PIEZO2: variants seen among roughly 807,000 people sequenced by gnomAD.
PIEZO2 encodes the protein piezo-type mechanosensitive ion channel component 2.
PIEZO2 carries 172 observed loss-of-function variants against 337.3 expected under a neutral mutation model. The ratio of observed to expected loss-of-function variants is 0.51; its 90% CI spans 0.45 to 0.58. The LOEUF (loss-of-function observed/expected upper bound fraction) is 0.58. PIEZO2 is among the 20% of genes least tolerant of loss of function. The pLI is 0.00. For missense variants in PIEZO2, 3,028 were observed against 3,391.3 expected (o/e 0.89, Z 2.66); for synonymous variants, 1,251 against 1,228.5 (o/e 1.02, Z -0.38).
chr18:10,858,701 G>A (rs1410262516), intron 5 of PIEZO2, among the ~76,000 whole-genome samples: 3 of 152,254 alleles, frequency 2.0e-5, no homozygotes, highest in African/African-American at 4.8e-5. Flanking sequence ...AGCGTAAAGC[G>A]GCCTTCAGGA....
intron 4 of PIEZO2, among the ~76,000 whole-genome samples, chr18:10,910,386 C>A (rs1479351290): frequency 6.6e-6 from 1 of 152,164 alleles, no homozygotes; most frequent in East Asian, 1.9e-4. Flanking sequence ...AGTACAAGAC[C>A]AGTCTGGCCA....
chr18:10,736,807 A>G (rs953578239), intron 33 of PIEZO2, 97 bp from the exon 34 acceptor site: 6 of 1,324,912 alleles, frequency 4.5e-6, no homozygotes, highest in Non-Finnish European at 6.1e-6. Flanking sequence ...CAAATTGTCC[A>G]TAAGAGAACC....
intron 18 of PIEZO2, among the ~76,000 whole-genome samples, chr18:10,774,249 G>A (rs775091950): frequency 4.6e-5 from 7 of 152,208 alleles, no homozygotes; most frequent in Admixed American, 6.5e-5. Flanking sequence ...TGATCTGAGA[G>A]TGGACAGGAT....
chr18:10,728,954 CA>C (rs143511795), intron 36 of PIEZO2, among the ~76,000 whole-genome samples: 27,444 of 75,762 alleles, frequency 0.36, 1,844 homozygotes, highest in East Asian at 0.53. Flanking sequence ...GACTCTGTCT[CA>C]AAAAAAAAAA....
chr18:11,143,280 G>T lies in PIEZO2; in HGVS notation c.64+5245C>A, dbSNP rs2040708744. ...GTTCTTCAATATCCAGATGGCTTAT[G>T]CTATTCTAAGTTCTCCTGAATATTT... On this transcript the variant is annotated intron_variant, in intron 1 of 55. Transcript: ENST00000674853. The surrounding 1 kb of genome is among the most constrained non-coding windows in gnomAD (Gnocchi z 4.9). 6.6e-6 allele frequency among the ~76,000 whole-genome samples: 1 copy of T among 152,038 alleles called. No homozygotes were observed. The highest frequency in any genetic ancestry group is 1.5e-5 in the Non-Finnish European group (1 of 68,010).
chr18:10,882,795 G>A (rs963061946), intron 4 of PIEZO2, among the ~76,000 whole-genome samples: 3 of 150,474 alleles, frequency 2.0e-5, no homozygotes, highest in Non-Finnish European at 4.4e-5. Context: ...ATTTTTTCAT[G>A]GCTAAATAAC....
chr18:10,875,732 A>G (rs545387196), intron 4 of PIEZO2, among the ~76,000 whole-genome samples: 6 of 152,228 alleles, frequency 3.9e-5, no homozygotes, highest in Non-Finnish European at 5.9e-5. Flanking sequence ...AGAGCCTTAT[A>G]TCTTTCCCAC....
chr18:10,729,584 A>AGCCTGTGTGACACACAGG (rs2036680857), intron 36 of PIEZO2, among the ~76,000 whole-genome samples: 4 of 146,148 alleles, frequency 2.7e-5, no homozygotes, highest in Non-Finnish European at 5.9e-5. Context: ...AGATCACCCC[A>AGCCTGTGTGACACACAGG]CTGCACTCCA....
At chr18:10,818,796 G>A (rs1445590816) in intron 7 of PIEZO2, among the ~76,000 whole-genome samples, 1 of 152,072 alleles carries the variant, frequency 6.6e-6, no homozygotes, top group Non-Finnish European at 1.5e-5. Flanking sequence ...TTCGCTTCAC[G>A]TCAATGCATC....
At chr18:10,705,301 G>C (rs2143781801) in intron 41 of PIEZO2, 35 bp downstream of exon 41, 1 of 1,478,042 alleles carries the variant, frequency 6.8e-7, no homozygotes, top group Non-Finnish European at 9.0e-7. Context: ...TGGTGATTTG[G>C]GGATATGTGT....
Position 10,895,675 on chromosome 18 carries a change from G to T in PIEZO2, c.329+15511C>A, listed in dbSNP as rs535557018. On this transcript the variant is annotated intron_variant, in intron 4 of 55. Coordinates refer to ENST00000674853, the MANE Select transcript of PIEZO2 (RefSeq NM_001378183.1). This position sits in a 1 kb window ranked among gnomAD's most constrained non-coding sequence, Gnocchi z 4.8. ...CAGTTTAACACCTGGGAAATGGGGCGCTCCCTCTGACCTGCACATTTCATC... is the reference window on the plus strand; with the variant it reads ...CAGTTTAACACCTGGGAAATGGGGCTCTCCCTCTGACCTGCACATTTCATC... 6.6e-6 allele frequency among the ~76,000 whole-genome samples: 1 copy of T among 152,056 alleles called. No individual in the cohort carries two copies. The highest frequency in any genetic ancestry group is 1.5e-5 in the Non-Finnish European group (1 of 67,994).
At chr18:11,011,460 T>C (rs1322286541) in intron 2 of PIEZO2, among the ~76,000 whole-genome samples, 1 of 152,194 alleles carries the variant, frequency 6.6e-6, no homozygotes, top group Non-Finnish European at 1.5e-5. Context: ...TATTTATGCT[T>C]AAAAATATTT....
chr18:10,944,179 C>T (rs1189339554), intron 3 of PIEZO2, among the ~76,000 whole-genome samples: 1 of 151,854 alleles, frequency 6.6e-6, no homozygotes, highest in Non-Finnish European at 1.5e-5. Context: ...AAAACAAATA[C>T]TCGGTGGATG....
In PIEZO2 at chr18:10,759,573, C is replaced by A. The variant is rs2038032992; in HGVS notation, c.3666G>T (p.Trp1222Cys). The A allele has an allele frequency of 6.5e-7, 1 of 1,537,114 alleles. No homozygotes were observed. Among genetic ancestry groups the A allele is most frequent in the Non-Finnish European group, 8.7e-7 (1 of 1,146,844 alleles). ...IPPAPCRDYP[W>C]RFKGASFNDN... Reference sequence around the variant, plus strand: ...CATTGAAGCTGGCACCCTTGAATCTCCACGGGTAATCTGCAGGGAGGGAAG... The same window carrying A: ...CATTGAAGCTGGCACCCTTGAATCTACACGGGTAATCTGCAGGGAGGGAAG... The change falls in exon 26 of 56, where the codon TGG (tryptophan) becomes TGT (cysteine). Residue 1222 changes from tryptophan to cysteine, a missense_variant. By Grantham distance (215) the Trp-to-Cys change is radical. Transcript: ENST00000674853. This position sits in a 1 kb window ranked among gnomAD's most constrained non-coding sequence, Gnocchi z 5.5.
chr18:10,779,876 A>G (rs1464587679), intron 18 of PIEZO2, among the ~76,000 whole-genome samples: 1 of 152,194 alleles, frequency 6.6e-6, no homozygotes, highest in Non-Finnish European at 1.5e-5. Flanking sequence ...CCGGAAGGCA[A>G]GTGTCGGGAC....
At chr18:10,704,095 A>G (rs2035459784) in intron 42 of PIEZO2, among the ~76,000 whole-genome samples, 1 of 152,100 alleles carries the variant, frequency 6.6e-6, no homozygotes, top group Admixed American at 6.5e-5. Flanking sequence ...CAGTTGGGCA[A>G]CTCTGGCCAT....
chr18:11,100,691 G>A (rs897813356), intron 1 of PIEZO2, among the ~76,000 whole-genome samples: 1 of 152,080 alleles, frequency 6.6e-6, no homozygotes, highest in Non-Finnish European at 1.5e-5. Context: ...CGCCTCCCGG[G>A]TTCACGCCAT....
intron 7 of PIEZO2, among the ~76,000 whole-genome samples, chr18:10,820,158 CT>C (rs1385274722): frequency 1.1e-4 from 17 of 151,926 alleles, no homozygotes; most frequent in African/African-American, 4.1e-4. Context: ...GTGGGACTTT[CT>C]TTTTGTTTGT....
intron 36 of PIEZO2, among the ~76,000 whole-genome samples, chr18:10,720,210 ATATATGAATATATGTGTGTGTGTG>A (rs1231225012): frequency 6.9e-6 from 1 of 144,108 alleles, no homozygotes; most frequent in East Asian, 2.1e-4. Flanking sequence ...ATATATATGT[ATATATGAATATATGTGTGTGTGTG>A]TATATATATA....
Sources: gnomAD v4.1 joint callset for allele counts (sites outside exome capture counted in the v4.1 genomes callset) on GRCh38, gnomAD v4.1.1 for gene constraint, Gnocchi (gnomAD v3.1) non-coding constraint, MANE v1.5 for transcripts, NCBI Gene and HGNC (gene_info 2026-07-23, HGNC 2026-07-21) for gene names.